The following TTL variants were observed in gnomAD, a reference collection of about 807,000 sequenced individuals.
TTL encodes the protein tubulin--tyrosine ligase.
In TTL, 10 loss-of-function variants were observed where a neutral mutation model predicts 41.1. The observed-to-expected ratio is 0.24, with a 90% CI of 0.15 to 0.41. TTL has a LOEUF of 0.41. TTL is among the 10% of genes least tolerant of loss of function. The pLI is 1.00. For missense variants in TTL, 367 were observed against 460.4 expected, an observed-to-expected ratio of 0.80 and a Z score of 1.86; for synonymous variants, 175 against 175.5, an observed-to-expected ratio of 1.00 and a Z score of 0.02.
At chr2:112,484,565 A>G (rs568946012) in intron 1 of TTL, among the ~76,000 whole-genome samples, 2 of 152,022 alleles carry the variant, frequency 1.3e-5, no homozygotes, top group East Asian at 1.9e-4. Context: ...GTGCCCGGCC[A>G]ACATTTGGTT....
Position 112,539,743 on chromosome 2 carries a change from C to G in TTL, c.*10948C>G, listed in dbSNP as rs760990016. The stretch of plus-strand genomic sequence containing the variant: ...TGGAAAGGGAGAAGTATGATGATCT[C>G]TCTTTGCAGACGACAAGATACCATA... On this transcript the variant is annotated 3_prime_UTR_variant, in exon 7 of 7. Transcript: ENST00000233336. The G allele has an allele frequency of 6.6e-6, 1 of 152,230 alleles. No homozygotes were observed. The highest frequency in any genetic ancestry group is 1.5e-5 in the Non-Finnish European group (1 of 68,044). 9.4% of individuals were successfully genotyped at this position (152,230 alleles called of 1,614,324 possible). A position where few individuals can be genotyped will look rare whatever the true frequency, so the allele number is the denominator to read the frequency against.
chr2:112,521,107 G>A lies in TTL; in HGVS notation c.1019+682G>A, dbSNP rs867807186. The A allele has an allele frequency of 1.6e-5, 14 of 898,212 alleles. No individual in the cohort carries two copies. In the South Asian group the frequency reaches 2.0e-4, roughly 13 times the overall value. The allele number at this position is 898,212 out of a possible 1,614,324, so 55.6% of individuals were successfully genotyped here. A position where few individuals can be genotyped will look rare whatever the true frequency, so the allele number is the denominator to read the frequency against. On this transcript the variant is annotated intron_variant, in intron 6 of 6. Transcript: ENST00000233336. ...AGAGAAGGCATCTTAGACATGGGGG[G>A]TCTGGAGCTGGGGTGCAAGAAAAGA... is the stretch of plus-strand genomic sequence containing the variant.
chr2:112,487,377 C>T (rs1216119024), intron 2 of TTL, among the ~76,000 whole-genome samples: 3 of 152,162 alleles, frequency 2.0e-5, no homozygotes, highest in Non-Finnish European at 4.4e-5. Flanking sequence ...ATGACTGTTA[C>T]ATGGAATCAG....
At chr2:112,494,087 A>G in intron 2 of TTL, 56 bp from the exon 3 acceptor site, 1 of 1,416,000 alleles carries the variant, frequency 7.1e-7, no homozygotes, top group Non-Finnish European at 9.8e-7. Flanking sequence ...GCCTTTCTGA[A>G]GGGAGTGACA....
chr2:112,494,400 C>T, intron 3 of TTL, 25 bp downstream of exon 3: 1 of 1,563,806 alleles, frequency 6.4e-7, no homozygotes, highest in East Asian at 2.2e-5. Flanking sequence ...CTGTCCCCTT[C>T]TCTATTCCTG....
Position 112,486,014 on chromosome 2 carries a change from G to C in TTL, c.236+19G>C. On this transcript the variant is annotated intron_variant, in intron 2 of 6. Coordinates refer to ENST00000233336, the MANE Select transcript of TTL (RefSeq NM_153712.5). ...TAGTGAAGTAAGTGTTAAGACCGCTGTTTTCCATTTTTTACCTAAATGAAG... is the reference window on the plus strand; with the variant it reads ...TAGTGAAGTAAGTGTTAAGACCGCTCTTTTCCATTTTTTACCTAAATGAAG... 1 of 1,612,270 alleles carries C rather than the reference G, an allele frequency of 6.2e-7. No homozygotes were observed. Among genetic ancestry groups the C allele is most frequent in the Non-Finnish European group, 8.5e-7 (1 of 1,179,220 alleles).
intron 5 of TTL, among the ~76,000 whole-genome samples, chr2:112,513,588 A>T (rs1050177933): frequency 6.7e-6 from 1 of 149,610 alleles, no homozygotes; most frequent in African/African-American, 2.5e-5. Context: ...TATTTATACA[A>T]GTATAAATAT....
Position 112,529,941 on chromosome 2 carries a change from TC to T in TTL, c.*1148del, listed in dbSNP as rs1310810207. 3 of 226,228 alleles carry T rather than the reference TC, an allele frequency of 1.3e-5. No individual in the cohort carries two copies. The highest frequency in any genetic ancestry group is 6.7e-5 in the African/African-American group (3 of 44,986). 14.0% of individuals were successfully genotyped at this position (226,228 alleles called of 1,614,324 possible). ...CAAATGTGTACTGTTAGAAGTGGCT[TC>T]CGCTTACTGGATTAACTAATACTTT... On this transcript the variant is annotated 3_prime_UTR_variant, in exon 7 of 7. Coordinates refer to ENST00000233336, the MANE Select transcript of TTL (RefSeq NM_153712.5).
At chr2:112,489,119 A>C (rs1308758723) in intron 2 of TTL, among the ~76,000 whole-genome samples, 2 of 152,182 alleles carry the variant, frequency 1.3e-5, no homozygotes, top group East Asian at 3.8e-4. Context: ...AAAAACCCAA[A>C]TAATTTATTA....
At chr2:112,515,264 TG>T (rs1315542381) in intron 5 of TTL, among the ~76,000 whole-genome samples, 1 of 152,164 alleles carries the variant, frequency 6.6e-6, no homozygotes, top group Non-Finnish European at 1.5e-5. Context: ...GTAAGGTCTG[TG>T]GGCAAAGAAT....
intron 2 of TTL, among the ~76,000 whole-genome samples, chr2:112,492,743 T>A (rs1200755228): frequency 6.7e-6 from 1 of 150,308 alleles, no homozygotes; most frequent in African/African-American, 2.5e-5. Flanking sequence ...AAAAAAAAAT[T>A]TGCTGGGTGT....
intron 3 of TTL, among the ~76,000 whole-genome samples, chr2:112,497,154 G>A (rs1245674421): frequency 6.6e-6 from 1 of 151,730 alleles, no homozygotes; most frequent in Non-Finnish European, 1.5e-5. Flanking sequence ...TAGCTGGGAC[G>A]ACAGCCGTGC....
intron 5 of TTL, among the ~76,000 whole-genome samples, chr2:112,507,711 T>G (rs1057074339): frequency 6.0e-5 from 9 of 150,036 alleles, no homozygotes; most frequent in African/African-American, 2.0e-4. Context: ...TATGTGTGTC[T>G]CTGCACGTGA....
At chr2:112,495,776 A>C (rs1681507491) in intron 3 of TTL, among the ~76,000 whole-genome samples, 1 of 152,080 alleles carries the variant, frequency 6.6e-6, no homozygotes, top group South Asian at 2.1e-4. Context: ...GAACCCGGGA[A>C]GTGGAGCTTG....
intron 1 of TTL, 76 bp from the exon 2 acceptor site, chr2:112,485,841 C>A: frequency 1.5e-6 from 2 of 1,314,968 alleles, no homozygotes; most frequent in Non-Finnish European, 2.1e-6. Context: ...GAGAGAAAAG[C>A]TGGGCATGAC....
intron 2 of TTL, among the ~76,000 whole-genome samples, chr2:112,487,696 G>A (rs1681276688): frequency 1.3e-5 from 2 of 152,116 alleles, no homozygotes; most frequent in African/African-American, 2.4e-5. Context: ...CTTGCCCCTC[G>A]GAGGCATGCA....
intron 5 of TTL, among the ~76,000 whole-genome samples, chr2:112,511,116 C>G (rs1485381782): frequency 6.6e-6 from 1 of 152,096 alleles, no homozygotes; most frequent in Non-Finnish European, 1.5e-5. Context: ...CTCCTGGGCT[C>G]AAGCGTAAGT....
intron 6 of TTL, among the ~76,000 whole-genome samples, chr2:112,523,858 A>G (rs1441323626): frequency 2.0e-5 from 3 of 151,934 alleles, no homozygotes; most frequent in Non-Finnish European, 4.4e-5. Flanking sequence ...GGTTTGTTAC[A>G]TATGTATACA....
rs751793965 is a variant in TTL at position 112,528,796 on chromosome 2, C to T, written c.*1C>T. On this transcript the variant is annotated 3_prime_UTR_variant, in exon 7 of 7. Coordinates refer to ENST00000233336, the MANE Select transcript of TTL (RefSeq NM_153712.5). ...GCCAGCTGCCTTCATCAAGCTGTGA[C>T]AGAGGGCACTCCCTGCTGCCTTGGA... is the stretch of plus-strand genomic sequence containing the variant. The T allele has an allele frequency of 2.4e-5, 38 of 1,612,196 alleles. No individual in the cohort carries two copies. The South Asian group carries it at 4.2e-4, about 18-fold the overall frequency.
Sources: gnomAD v4.1 joint callset for allele counts (sites outside exome capture counted in the v4.1 genomes callset) on GRCh38, gnomAD v4.1.1 for gene constraint, MANE v1.5 for transcripts, NCBI Gene and HGNC (gene_info 2026-07-23, HGNC 2026-07-21) for gene names.